Variants in FCSK observed in about 807,000 individuals in gnomAD.
FCSK encodes the protein fucose kinase.
In FCSK, 123 loss-of-function variants were observed where a neutral mutation model predicts 122.5. The ratio of observed to expected loss-of-function variants is 1.00; its 90% CI spans 0.87 to 1.17. FCSK has a LOEUF of 1.17. FCSK is among the 50% of genes most tolerant of loss of function. The pLI, the probability that FCSK is intolerant of heterozygous loss-of-function variation, is 0.00. For missense variants in FCSK, 1,366 were observed against 1,450.4 expected, an observed-to-expected ratio of 0.94 and a Z score of 0.95; for synonymous variants, 620 against 625.5, an observed-to-expected ratio of 0.99 and a Z score of 0.13.
At position 70,463,624 on chromosome 16, in the gene FCSK, A is replaced by G. The variant is rs779982094; in HGVS notation, c.84A>G (p.Glu28=). The part of the protein sequence containing the change: ...YKDSVQVFQR[E]LEVRQKREQI... The stretch of plus-strand genomic sequence containing the variant: ...TCCCAGTGTCTCTTCTGACCCTAGA[A>G]CTGGAAGTGCGGCAGAAGCGGGAGC... The change falls in exon 3 of 24, where the codon GAA becomes GAG. Residue 28 remains glutamate (E), a splice_region_variant and synonymous_variant. Transcript: ENST00000288078. 6.2e-7 allele frequency: 1 copy of G among 1,613,550 alleles called. No individual in the cohort carries two copies. The highest frequency in any genetic ancestry group is 2.2e-5 in the East Asian group (1 of 44,886).
Position 70,463,246 on chromosome 16 carries a change from A to G in FCSK, c.56A>G (p.Lys19Arg). The change falls in exon 2 of 24, where the codon AAG (lysine) becomes AGG (arginine). Residue 19 changes from lysine to arginine, a missense_variant. Lys to Arg is a conservative substitution (Grantham distance 26). Transcript: ENST00000288078. Reference sequence around the variant, plus strand: ...GTCATCATCCTGACCTGCCAGTACAAGGACAGTGTCCAGGTCTTTCAGAGA... The same window carrying G: ...GTCATCATCCTGACCTGCCAGTACAGGGACAGTGTCCAGGTCTTTCAGAGA... ...WTVIILTCQY[K>R]DSVQVFQREL... The G allele has an allele frequency of 1.2e-6, 2 of 1,614,018 alleles. No individual in the cohort carries two copies. Among genetic ancestry groups the G allele is most frequent in the Non-Finnish European group, 1.7e-6 (2 of 1,179,954 alleles).
At chr16:70,479,153 A>G (rs1198390772) in intron 22 of FCSK, 27 bp from the exon 23 acceptor site, 7 of 1,568,274 alleles carry the variant, frequency 4.5e-6, no homozygotes, top group African/African-American at 1.4e-5. Context: ...TGGCCCAGGC[A>G]CGTCACTCCC....
At chr16:70,469,597 C>T (rs531585385) in intron 10 of FCSK, among the ~76,000 whole-genome samples, 49 of 152,190 alleles carry the variant, frequency 3.2e-4, no homozygotes, top group African/African-American at 7.5e-4. Context: ...TTTGTCGCCC[C>T]GGCTAGAGTG....
chr16:70,470,348 C>T lies in FCSK; in HGVS notation c.990C>T (p.Thr330=), dbSNP rs770753142. The change falls in exon 11 of 24, where the codon ACC becomes ACT. Residue 330 remains threonine (T), a synonymous_variant. Transcript: ENST00000288078. ...CCAGCGGCAGCTACAGCTACATGAC[C>T]TCCTCAGCCAGTGAGTTCCTGCTCA... ...YVSSGSYSYM[T]SSASEFLLSL... 1.2e-6 allele frequency: 2 copies of T among 1,613,716 alleles called. No individual in the cohort carries two copies. Among genetic ancestry groups the T allele is most frequent in the African/African-American group, 2.7e-5 (2 of 74,930 alleles).
At chr16:70,476,677 C>T (rs2048828700) in intron 20 of FCSK, among the ~76,000 whole-genome samples, 1 of 152,158 alleles carries the variant, frequency 6.6e-6, no homozygotes, top group Non-Finnish European at 1.5e-5. Context: ...GCTGCAAAGG[C>T]CTACTGAAGC....
At chr16:70,462,920 C>A (rs2151705041) in intron 1 of FCSK, among the ~76,000 whole-genome samples, 1 of 152,246 alleles carries the variant, frequency 6.6e-6, no homozygotes, top group South Asian at 2.1e-4. Context: ...GCTAGGATTG[C>A]AGGCATGAGC....
intron 13 of FCSK, 69 bp downstream of exon 13, chr16:70,471,421 C>T: frequency 2.1e-6 from 3 of 1,450,918 alleles, no homozygotes; most frequent in Non-Finnish European, 2.8e-6. Flanking sequence ...GTCCTGGCCC[C>T]CACCCCACTG....
At chr16:70,471,588 G>A (rs963067290) in intron 13 of FCSK, among the ~76,000 whole-genome samples, 1 of 152,168 alleles carries the variant, frequency 6.6e-6, no homozygotes, top group Non-Finnish European at 1.5e-5. Context: ...CTGCCAGGTG[G>A]GCTGGGTGGG....
At chr16:70,461,002 C>T (rs2048248847) in intron 1 of FCSK, among the ~76,000 whole-genome samples, 1 of 152,210 alleles carries the variant, frequency 6.6e-6, no homozygotes, top group Admixed American at 6.5e-5. Context: ...AAGTGCCTGG[C>T]TGGGATCTCT....
chr16:70,463,058 A>C, intron 1 of FCSK, 111 bp from the exon 2 acceptor site: 1 of 627,092 alleles, frequency 1.6e-6, no homozygotes, highest in East Asian at 3.0e-5. Flanking sequence ...AGATGGTGAT[A>C]CCAACACGAA....
intron 14 of FCSK, 90 bp from the exon 15 acceptor site, chr16:70,472,893 G>A (rs2048673023): frequency 6.9e-7 from 1 of 1,455,074 alleles, no homozygotes. Context: ...AGTCTGTCCT[G>A]TCCCCATGAA....
In FCSK at chr16:70,478,344, C is replaced by CCGGT. The variant is rs762806168; in HGVS notation, c.2714_2715insCGGT (p.Leu906GlyfsTer13). 8 of 1,614,228 alleles carry CCGGT rather than the reference C, an allele frequency of 5.0e-6. No individual in the cohort carries two copies. Among genetic ancestry groups the CCGGT allele is most frequent in the Non-Finnish European group, 6.8e-6 (8 of 1,180,052 alleles). ...GTGGGGCGCTCCCGGGCTCAGCTGC[C>CCGGT]ACTGAAGGTGGAGGTAGAAGAGGTC... On this transcript the variant is annotated frameshift_variant, in exon 21 of 24. Coordinates refer to ENST00000288078, the MANE Select transcript of FCSK (RefSeq NM_145059.3). LOFTEE classifies it high-confidence loss of function.
At chr16:70,471,425 C>G (rs1313871584) in intron 13 of FCSK, 73 bp downstream of exon 13, 1 of 1,429,576 alleles carries the variant, frequency 7.0e-7, no homozygotes, top group Non-Finnish European at 9.4e-7. Context: ...TGGCCCCCAC[C>G]CCACTGCGGG....
intron 12 of FCSK, 48 bp downstream of exon 12, chr16:70,471,120 C>A: frequency 1.3e-6 from 2 of 1,590,060 alleles, no homozygotes; most frequent in East Asian, 2.3e-5. Flanking sequence ...GCTGGCATCC[C>A]GCATGTGTTG....
chr16:70,455,485 A>AAAAAC (rs942850729), intron 1 of FCSK, among the ~76,000 whole-genome samples: 1 of 144,796 alleles, frequency 6.9e-6, no homozygotes, highest in Non-Finnish European at 1.5e-5. Context: ...ACTACGTCTC[A>AAAAAC]AAAACAAAAC....
At chr16:70,477,693 G>A (rs2048859906) in intron 20 of FCSK, 1 of 152,868 alleles carries the variant, frequency 6.5e-6, no homozygotes, top group Non-Finnish European at 1.5e-5. Flanking sequence ...TCCCCTAGGA[G>A]GGGCAGAGGT....
Position 70,463,219 on chromosome 16 carries a change from C to T in FCSK, c.29C>T (p.Thr10Ile). ...GAGCAGCCGAAGGGAGTTGATTGGA[C>T]AGTCATCATCCTGACCTGCCAGTAC... Reference protein sequence around the residue: MEQPKGVDWTVIILTCQYKD... With the variant: MEQPKGVDWIVIILTCQYKD... The change falls in exon 2 of 24, where the codon ACA becomes ATA. Residue 10 changes from threonine (T) to isoleucine (I), a missense_variant. Coordinates refer to ENST00000288078, the MANE Select transcript of FCSK (RefSeq NM_145059.3). 1.9e-6 allele frequency: 3 copies of T among 1,614,090 alleles called. No individual in the cohort carries two copies. Among genetic ancestry groups the T allele is most frequent in the Non-Finnish European group, 2.5e-6 (3 of 1,180,000 alleles).
chr16:70,459,481 T>C (rs936665947), intron 1 of FCSK, among the ~76,000 whole-genome samples: 2 of 151,962 alleles, frequency 1.3e-5, no homozygotes, highest in African/African-American at 4.8e-5. Flanking sequence ...GAGATTACAG[T>C]GAGCTGAGAT....
chr16:70,454,913 G>A (rs1395152915), intron 1 of FCSK: 2 of 152,212 alleles, frequency 1.3e-5, no homozygotes, highest in Admixed American at 6.5e-5. Flanking sequence ...AGGGATGCGG[G>A]CCTCAGAGGA....
Sources: allele counts gnomAD v4.1 joint callset (sites outside exome capture counted in the v4.1 genomes callset), GRCh38; gene constraint gnomAD v4.1.1; transcripts MANE v1.5; gene names NCBI Gene and HGNC (gene_info 2026-07-23, HGNC 2026-07-21).